Variants in AGAP1 observed in about 807,000 individuals in gnomAD.
AGAP1 encodes the protein ArfGAP with GTPase domain, ankyrin repeat and PH domain 1, also known as arf-GAP with GTPase, ANK repeat and PH domain-containing protein 1.
A neutral mutation model predicts 105.3 loss-of-function variants in AGAP1; 29 were observed. That is an observed-to-expected ratio of 0.28 (90% confidence interval 0.21 to 0.38). AGAP1 has a LOEUF of 0.38. Ranked by LOEUF, AGAP1 falls within the 10% of genes least tolerant of loss-of-function variation. The probability of loss-of-function intolerance (pLI) is 1.00; values close to 1 mark genes in which losing one functional copy is unlikely to be tolerated. For missense variants in AGAP1, 998 were observed against 1,165.1 expected (o/e 0.86, Z 2.09); for synonymous variants, 509 against 485.9 (o/e 1.05, Z -0.63).
intron 1 of AGAP1, among the ~76,000 whole-genome samples, chr2:235,579,669 G>A (rs763917065): frequency 3.3e-5 from 5 of 151,990 alleles, no homozygotes; most frequent in Non-Finnish European, 7.4e-5. Flanking sequence ...CCAGCTACTC[G>A]GGAGGCTGAC....
chr2:235,913,279 T>C (rs1188372799), intron 11 of AGAP1, among the ~76,000 whole-genome samples: 1 of 152,220 alleles, frequency 6.6e-6, no homozygotes, highest in Non-Finnish European at 1.5e-5. Context: ...TGTGTGAATA[T>C]ATGTATATGC....
In AGAP1 at chr2:235,642,515, G is replaced by T. The variant is rs1947232142; in HGVS notation, c.164-66664G>T. On this transcript the variant is annotated intron_variant, in intron 1 of 17. Coordinates refer to ENST00000304032, the MANE Select transcript of AGAP1 (RefSeq NM_001037131.3). This position sits in a 1 kb window ranked among gnomAD's most constrained non-coding sequence, Gnocchi z 4.1. ...GCCAGCACTCCCAGTGGACAGTCAT[G>T]CCTGGACTTGTCTTCTCCACCTTCC... Among the ~76,000 whole-genome samples, 3 of 152,178 alleles carry T rather than the reference G, an allele frequency of 2.0e-5. No homozygotes were observed. The South Asian group carries it at 6.2e-4, about 31-fold the overall frequency.
chr2:235,975,630 CTG>C (rs1010861125), intron 13 of AGAP1, among the ~76,000 whole-genome samples: 6 of 152,200 alleles, frequency 3.9e-5, no homozygotes, highest in Non-Finnish European at 8.8e-5. Flanking sequence ...GGCCCAGAAA[CTG>C]TTACCTTCCA....
At chr2:235,709,618 T>G (rs1328001315) in intron 2 of AGAP1, among the ~76,000 whole-genome samples, 1 of 152,018 alleles carries the variant, frequency 6.6e-6, no homozygotes, top group African/African-American at 2.4e-5. Context: ...ATGGATTGAT[T>G]TGTTCTTTGC....
rs112233989 is a variant in AGAP1 at position 236,042,767 on chromosome 2, A to G, written c.1891+1926A>G. Among the ~76,000 whole-genome samples the G allele has an allele frequency of 0.045, 6,815 of 152,292 alleles. 240 individuals are homozygous for G. The highest frequency in any genetic ancestry group is 0.072 in the Non-Finnish European group (4,920 of 68,024). On this transcript the variant is annotated intron_variant, in intron 15 of 17. Coordinates refer to ENST00000304032, the MANE Select transcript of AGAP1 (RefSeq NM_001037131.3). This position sits in a 1 kb window ranked among gnomAD's most constrained non-coding sequence, Gnocchi z 5.6. ...AGGTGTGGGCCAGTTTGTTCTGAGC[A>G]AGACCACCTGAGCAGATGGACAGGG...
rs2053723543 is a variant in AGAP1 at position 235,951,225 on chromosome 2, C to G, written c.1484-17237C>G. 6.6e-6 allele frequency among the ~76,000 whole-genome samples: 1 copy of G among 152,198 alleles called. No homozygotes were observed. ...TTTAGAAGACACTTCCGACTTTGAT[C>G]TGCAGTTGCGGATGAAGATGCTCAC... On this transcript the variant is annotated intron_variant, in intron 12 of 17. Transcript: ENST00000304032. The surrounding 1 kb of genome is among the most constrained non-coding windows in gnomAD (Gnocchi z 4.2).
intron 6 of AGAP1, among the ~76,000 whole-genome samples, chr2:235,770,197 C>T (rs951281775): frequency 8.7e-5 from 13 of 149,448 alleles, no homozygotes; most frequent in Admixed American, 8.3e-4. Flanking sequence ...GTGGGATCTC[C>T]GCCCACTGTA....
chr2:235,773,265 C>T (rs575364282), intron 6 of AGAP1, among the ~76,000 whole-genome samples: 1 of 152,138 alleles, frequency 6.6e-6, no homozygotes, highest in Non-Finnish European at 1.5e-5. Flanking sequence ...CCCAGTCAGT[C>T]TGATTTGTTG....
chr2:235,962,807 T>C lies in AGAP1; in HGVS notation c.1484-5655T>C, dbSNP rs1403375102. On this transcript the variant is annotated intron_variant, in intron 12 of 17. Coordinates refer to ENST00000304032, the MANE Select transcript of AGAP1 (RefSeq NM_001037131.3). This position sits in a 1 kb window ranked among gnomAD's most constrained non-coding sequence, Gnocchi z 5.3. ...TGATATTTTAGGTATTTGAGACTGT[T>C]CTTTGTGGCAGGGGCTGTCCTGTGC... 6.6e-6 allele frequency among the ~76,000 whole-genome samples: 1 copy of C among 152,164 alleles called. No individual in the cohort carries two copies. The highest frequency in any genetic ancestry group is 1.5e-5 in the Non-Finnish European group (1 of 68,036).
At chr2:236,103,828 A>C (rs2059419073) in intron 16 of AGAP1, among the ~76,000 whole-genome samples, 1 of 151,960 alleles carries the variant, frequency 6.6e-6, no homozygotes, top group African/African-American at 2.4e-5. Flanking sequence ...CGGCCTCCCA[A>C]AGTGCTGAGA....
At position 235,723,221 on chromosome 2, in the gene AGAP1, A is replaced by G. The variant is rs1951475042; in HGVS notation, c.310+5577A>G. Among the ~76,000 whole-genome samples, 1 of 152,164 alleles carries G rather than the reference A, an allele frequency of 6.6e-6. No individual in the cohort carries two copies. The highest frequency in any genetic ancestry group is 6.5e-5 in the Admixed American group (1 of 15,286). On this transcript the variant is annotated intron_variant, in intron 3 of 17. Coordinates refer to ENST00000304032, the MANE Select transcript of AGAP1 (RefSeq NM_001037131.3). The surrounding 1 kb of genome is among the most constrained non-coding windows in gnomAD (Gnocchi z 6.2). ...ATGAAAATTAGTTATTTGCCAATTG[A>G]GCCCTATTAATGGCTGCTGATTAGA...
chr2:236,120,187 T>C lies in AGAP1; in HGVS notation c.2115-5T>C. 6.2e-7 allele frequency: 1 copy of C among 1,606,652 alleles called. No individual in the cohort carries two copies. The highest frequency in any genetic ancestry group is 8.5e-7 in the Non-Finnish European group (1 of 1,175,630). On this transcript the variant is annotated splice_polypyrimidine_tract_variant and splice_region_variant and intron_variant, in intron 16 of 17. Coordinates refer to ENST00000304032, the MANE Select transcript of AGAP1 (RefSeq NM_001037131.3). The surrounding 1 kb of genome is among the most constrained non-coding windows in gnomAD (Gnocchi z 6.0). ...TGACTGCACCTGTCTGGTGGCTCTT[T>C]GCAGGGAAGAGAAGGAACGGTGGAT...
At chr2:235,859,879 A>G (rs1206649867) in intron 9 of AGAP1, among the ~76,000 whole-genome samples, 1 of 152,164 alleles carries the variant, frequency 6.6e-6, no homozygotes, top group African/African-American at 2.4e-5. Context: ...TGATTCTAGG[A>G]CAACTCAGTT....
At chr2:235,606,250 A>G (rs1945933905) in intron 1 of AGAP1, among the ~76,000 whole-genome samples, 2 of 152,172 alleles carry the variant, frequency 1.3e-5, no homozygotes, top group Non-Finnish European at 2.9e-5. Context: ...CCCTTGGTGA[A>G]TGTGATGTAG....
At chr2:235,786,620 G>T (rs763912585) in intron 6 of AGAP1, among the ~76,000 whole-genome samples, 2 of 152,140 alleles carry the variant, frequency 1.3e-5, no homozygotes, top group Admixed American at 1.3e-4. Context: ...TGTTGTAGGG[G>T]TAATTATTTT....
In AGAP1 at chr2:235,732,427, T is replaced by A. The variant is rs906989809; in HGVS notation, c.311-8536T>A. Among the ~76,000 whole-genome samples the A allele has an allele frequency of 5.3e-5, 8 of 152,206 alleles. No individual in the cohort carries two copies. Among genetic ancestry groups the A allele is most frequent in the African/African-American group, 1.9e-4 (8 of 41,454 alleles). On this transcript the variant is annotated intron_variant, in intron 3 of 17. Transcript: ENST00000304032. This position sits in a 1 kb window ranked among gnomAD's most constrained non-coding sequence, Gnocchi z 4.8. ...TGGACGTTTCCATTTTATCTCATAT[T>A]GTTTCAAATTCTCATACTGGAGGTT... is the stretch of plus-strand genomic sequence containing the variant.
At chr2:235,708,748 G>C (rs6715904) in intron 1 of AGAP1, among the ~76,000 whole-genome samples, 2,670 of 152,250 alleles carry the variant, frequency 0.018, 78 homozygotes, top group African/African-American at 0.06. Flanking sequence ...GACTATTGTA[G>C]TAGACAAGCA....
Position 235,494,594 on chromosome 2 carries a change from G to T in AGAP1, c.-93G>T. The T allele has an allele frequency of 2.2e-6, 1 of 457,402 alleles. No homozygotes were observed. The highest frequency in any genetic ancestry group is 2.8e-6 in the Non-Finnish European group (1 of 353,454). 28.3% of individuals were successfully genotyped at this position (457,402 alleles called of 1,614,324 possible). A position where few individuals can be genotyped will look rare whatever the true frequency, so the allele number is the denominator to read the frequency against. ...CCGCCGGCGGGCCCGGCTCCCCGGG[G>T]GCTGCGGCGCCCCGGGCTCGGCGGC... is the stretch of plus-strand genomic sequence containing the variant. On this transcript the variant is annotated 5_prime_UTR_variant, in exon 1 of 18. Transcript: ENST00000304032.
intron 16 of AGAP1, among the ~76,000 whole-genome samples, chr2:236,067,116 C>T (rs963683824): frequency 1.4e-5 from 2 of 147,486 alleles, no homozygotes; most frequent in African/African-American, 2.5e-5. Flanking sequence ...GTTCAGAGTT[C>T]CAACTCAGGT....
Sources: allele counts gnomAD v4.1 joint callset (sites outside exome capture counted in the v4.1 genomes callset), GRCh38; gene constraint gnomAD v4.1.1; non-coding constraint Gnocchi (gnomAD v3.1); transcripts MANE v1.5; gene names NCBI Gene and HGNC (gene_info 2026-07-23, HGNC 2026-07-21).